KCNT2: variants seen among roughly 807,000 people sequenced by gnomAD.
KCNT2 encodes potassium channel subfamily T member 2.
In KCNT2, 67 loss-of-function variants were observed where a neutral mutation model predicts 153.8. The ratio of observed to expected loss-of-function variants is 0.44; its 90% CI spans 0.36 to 0.53. KCNT2 has a LOEUF of 0.53. Ranked by LOEUF, KCNT2 falls within the 20% of genes least tolerant of loss-of-function variation. KCNT2 has a pLI of 0.00. For missense variants in KCNT2, 975 were observed against 1,354.8 expected, an observed-to-expected ratio of 0.72 and a Z score of 4.40; for synonymous variants, 500 against 458.8, an observed-to-expected ratio of 1.09 and a Z score of -1.15.
chr1:196,321,285 G>A (rs1188704177), intron 19 of KCNT2, among the ~76,000 whole-genome samples: 2 of 151,784 alleles, frequency 1.3e-5, no homozygotes, highest in Non-Finnish European at 2.9e-5. Flanking sequence ...GGAGGATGCA[G>A]GTACCACAAG....
intron 12 of KCNT2, among the ~76,000 whole-genome samples, chr1:196,399,301 A>G (rs558477862): frequency 1.3e-5 from 2 of 151,810 alleles, no homozygotes; most frequent in Non-Finnish European, 2.9e-5. Flanking sequence ...AAGGAAGATT[A>G]TTAGATAAAT....
chr1:196,543,636 T>C (rs914390671), intron 1 of KCNT2, among the ~76,000 whole-genome samples: 1 of 152,202 alleles, frequency 6.6e-6, no homozygotes, highest in Non-Finnish European at 1.5e-5. Context: ...TAATTTTCTA[T>C]AATTTTCTGG....
At chr1:196,302,228 G>T (rs913154679) in intron 22 of KCNT2, among the ~76,000 whole-genome samples, 5 of 152,074 alleles carry the variant, frequency 3.3e-5, no homozygotes, top group African/African-American at 1.2e-4. Flanking sequence ...ATAGAGATCA[G>T]TTTTCTAATC....
intron 1 of KCNT2, among the ~76,000 whole-genome samples, chr1:196,495,126 C>G (rs1368460156): frequency 6.6e-6 from 1 of 152,058 alleles, no homozygotes; most frequent in African/African-American, 2.4e-5. Context: ...CATTGAGAAA[C>G]ATGGATTATA....
intron 1 of KCNT2, among the ~76,000 whole-genome samples, chr1:196,586,092 T>G (rs1199488473): frequency 6.6e-6 from 1 of 151,948 alleles, no homozygotes; most frequent in Non-Finnish European, 1.5e-5. Flanking sequence ...AAACCCCATC[T>G]CTATTTAAAA....
rs185111050 is a variant in KCNT2 at position 196,410,686 on chromosome 1, G to A, written c.1186-12015C>T. Among the ~76,000 whole-genome samples the A allele has an allele frequency of 3.8e-3, 554 of 146,772 alleles. 3 individuals carry two copies. The highest frequency in any genetic ancestry group is 0.018 in the Middle Eastern group (5 of 282). On this transcript the variant is annotated intron_variant, in intron 12 of 27. Coordinates refer to ENST00000294725, the MANE Select transcript of KCNT2 (RefSeq NM_198503.5). ...CTAACTTTCACTGGGTGCTTACTAC[G>A]CAATAAAATCTGTGCTCAGTGCTTA...
intron 13 of KCNT2, among the ~76,000 whole-genome samples, chr1:196,392,197 TA>T: frequency 6.6e-6 from 1 of 151,326 alleles, no homozygotes; most frequent in East Asian, 1.9e-4. Flanking sequence ...TGGTTTTTTT[TA>T]ATTGTGTAAC....
At chr1:196,440,032 T>C (rs1203977126) in intron 8 of KCNT2, among the ~76,000 whole-genome samples, 1 of 151,960 alleles carries the variant, frequency 6.6e-6, no homozygotes, top group African/African-American at 2.4e-5. Flanking sequence ...ATTCTGCACA[T>C]GTATCCCAGA....
At chr1:196,571,224 G>A (rs960002824) in intron 1 of KCNT2, among the ~76,000 whole-genome samples, 3 of 152,042 alleles carry the variant, frequency 2.0e-5, no homozygotes, top group East Asian at 1.9e-4. Flanking sequence ...ACAGAAAATA[G>A]AGGAATAAGT....
intron 14 of KCNT2, among the ~76,000 whole-genome samples, chr1:196,358,095 C>T (rs114075147): frequency 6.6e-6 from 1 of 151,716 alleles, no homozygotes; most frequent in African/African-American, 2.4e-5. Context: ...TCTCTAACCT[C>T]TCTTGGTGGA....
At chr1:196,505,465 C>T (rs1681053596) in intron 1 of KCNT2, among the ~76,000 whole-genome samples, 1 of 150,740 alleles carries the variant, frequency 6.6e-6, no homozygotes, top group South Asian at 2.1e-4. Flanking sequence ...GTACCAGTAC[C>T]ATGCTGTTTT....
chr1:196,329,481 A>C (rs2148087949), intron 18 of KCNT2, among the ~76,000 whole-genome samples: 1 of 152,124 alleles, frequency 6.6e-6, no homozygotes, highest in East Asian at 1.9e-4. Context: ...CTGTTTGGAG[A>C]TAAATTATTT....
chr1:196,259,233 A>G (rs1173508751), intron 25 of KCNT2, among the ~76,000 whole-genome samples: 1 of 152,142 alleles, frequency 6.6e-6, no homozygotes, highest in African/African-American at 2.4e-5. Flanking sequence ...ATAGGAGGGA[A>G]AAACAATGAA....
intron 25 of KCNT2, among the ~76,000 whole-genome samples, chr1:196,271,657 G>C (rs1238960294): frequency 6.6e-6 from 1 of 151,816 alleles, no homozygotes; most frequent in Non-Finnish European, 1.5e-5. Flanking sequence ...GTAAGAGAAA[G>C]ATTTAAGAGT....
intron 1 of KCNT2, among the ~76,000 whole-genome samples, chr1:196,547,562 A>G (rs545909055): frequency 6.6e-6 from 1 of 152,068 alleles, no homozygotes; most frequent in Admixed American, 6.6e-5. Flanking sequence ...GTTTCTATCA[A>G]CTTAAATAAT....
At chr1:196,470,337 AT>A (rs1200813972) in intron 5 of KCNT2, among the ~76,000 whole-genome samples, 1 of 152,212 alleles carries the variant, frequency 6.6e-6, no homozygotes, top group African/African-American at 2.4e-5. Context: ...TGACTGGATA[AT>A]AACAGGACAC....
chr1:196,478,418 A>G (rs1021751637), intron 5 of KCNT2, among the ~76,000 whole-genome samples: 1 of 152,170 alleles, frequency 6.6e-6, no homozygotes, highest in Non-Finnish European at 1.5e-5. Context: ...GCTGCTATAC[A>G]ATGCCCCCAT....
rs1158568820 is a variant in KCNT2, at chr1:196,389,095, T to C, written c.1294+9468A>G. ...GCGGTTATTGCATCTGTTGATATGA[T>C]CATATACTTATTTTCCCCTTTAATG... On this transcript the variant is annotated intron_variant, in intron 13 of 27. Transcript: ENST00000294725. Among the ~76,000 whole-genome samples the C allele has an allele frequency of 4.6e-5, 7 of 151,924 alleles. No homozygotes were observed. The East Asian group carries it at 1.4e-3, about 29-fold the overall frequency.
At chr1:196,234,466 GGCTTGCCTTTACAAT>G (rs1654241209) in intron 27 of KCNT2, among the ~76,000 whole-genome samples, 1 of 151,040 alleles carries the variant, frequency 6.6e-6, no homozygotes, top group Non-Finnish European at 1.5e-5. Flanking sequence ...TTTACATAGG[GGCTTGCCTTTACAAT>G]GCTTTATCTT....
Sources: allele counts gnomAD v4.1 joint callset (sites outside exome capture counted in the v4.1 genomes callset), GRCh38; gene constraint gnomAD v4.1.1; transcripts MANE v1.5; gene names NCBI Gene and HGNC (gene_info 2026-07-23, HGNC 2026-07-21).